The following ZNF566 variants were observed in gnomAD, a reference collection of about 807,000 sequenced individuals.
The protein encoded by ZNF566 is zinc finger protein 566.
In ZNF566, 27 loss-of-function variants were observed where a neutral mutation model predicts 32.8. The ratio of observed to expected loss-of-function variants is 0.82; its 90% confidence interval spans 0.61 to 1.14. ZNF566 has a LOEUF of 1.14. ZNF566 is among the 50% of genes most tolerant of loss of function. ZNF566 has a pLI of 0.00. For missense variants in ZNF566, 402 were observed against 490.4 expected (o/e 0.82, Z 1.70); for synonymous variants, 154 against 159.5 (o/e 0.97, Z 0.26).
At chr19:36,479,316 G>C (rs1448837074) in intron 1 of ZNF566, among the ~76,000 whole-genome samples, 1 of 152,146 alleles carries the variant, frequency 6.6e-6, no homozygotes, top group Non-Finnish European at 1.5e-5. Context: ...ATTATTCACA[G>C]ATGATAAGTT....
Position 36,449,041 on chromosome 19 carries a change from C to G in ZNF566, c.1193G>C (p.Arg398Thr), listed in dbSNP as rs765333070. Reference sequence around the variant, plus strand: ...ATAATTAAAGTTCTTTCCACATTCCCTATATTCATAGGGTTTCTCACTAGT... The same window carrying G: ...ATAATTAAAGTTCTTTCCACATTCCGTATATTCATAGGGTTTCTCACTAGT... The part of the protein sequence containing the change: ...IHTSEKPYEY[R>T]ECGKNFNYDP... The change falls in exon 5 of 5, where the codon AGG (arginine) becomes ACG (threonine). Residue 398 changes from arginine to threonine, a missense_variant. Physicochemically the swap from Arg to Thr is moderately conservative, Grantham distance 71 (BLOSUM62 -1). This residue lies in a region of ZNF566 where 47 missense variants were observed against 38.5 expected (regional missense o/e 1.22). Coordinates refer to ENST00000452939, the MANE Select transcript of ZNF566 (RefSeq NM_001145344.1). 6.2e-7 allele frequency: 1 copy of G among 1,610,698 alleles called. No individual in the cohort carries two copies. The highest frequency in any genetic ancestry group is 1.3e-5 in the African/African-American group (1 of 74,736).
chr19:36,480,203 A>G (rs957490994), intron 1 of ZNF566, among the ~76,000 whole-genome samples: 2 of 152,172 alleles, frequency 1.3e-5, no homozygotes, highest in African/African-American at 4.8e-5. Flanking sequence ...ACCAAATAGA[A>G]TATAGAGTCC....
chr19:36,467,450 AAAAG>A (rs1175785407), intron 4 of ZNF566, among the ~76,000 whole-genome samples: 6 of 150,222 alleles, frequency 4.0e-5, no homozygotes, highest in Non-Finnish European at 3.0e-5. Context: ...AAAAAAAAAA[AAAAG>A]AATTTCAAAA....
chr19:36,461,799 T>C (rs1242766154), intron 4 of ZNF566, among the ~76,000 whole-genome samples: 1 of 152,228 alleles, frequency 6.6e-6, no homozygotes, highest in Non-Finnish European at 1.5e-5. Flanking sequence ...GTGTGGACTG[T>C]GATTCCAGTG....
At chr19:36,479,659 G>A (rs1181871932) in intron 1 of ZNF566, among the ~76,000 whole-genome samples, 1 of 152,108 alleles carries the variant, frequency 6.6e-6, no homozygotes, top group Admixed American at 6.5e-5. Flanking sequence ...TTTTGAATCA[G>A]GGTCTTGCTT....
rs1326017837 is a variant in ZNF566, at chr19:36,446,391, C to G, written c.*2586G>C. The G allele has an allele frequency of 6.6e-6, 1 of 152,086 alleles. No individual in the cohort carries two copies. The highest frequency in any genetic ancestry group is 6.6e-5 in the Admixed American group (1 of 15,230). 9.4% of individuals were successfully genotyped at this position (152,086 alleles called of 1,614,324 possible). A position where few individuals can be genotyped will look rare whatever the true frequency, so the allele number is the denominator to read the frequency against. On this transcript the variant is annotated 3_prime_UTR_variant, in exon 5 of 5. Coordinates refer to ENST00000452939, the MANE Select transcript of ZNF566 (RefSeq NM_001145344.1). Reference sequence around the variant, plus strand: ...GGTTCAAGCGATTCTCCTGCCTCAGCCTTCCGAGCAGCTGGGACTACAGGC... The same window carrying G: ...GGTTCAAGCGATTCTCCTGCCTCAGGCTTCCGAGCAGCTGGGACTACAGGC...
In ZNF566 at chr19:36,453,472, CAAATAAATAAAT is replaced by C. The variant is rs918177874; in HGVS notation, c.233-3483_233-3472del. ...TGGGTGACAGTGTGAGACTCTATCT[CAAATAAATAAAT>C]AAATAAATAAATAAATAAATAAATT... On this transcript the variant is annotated intron_variant, in intron 4 of 4. Transcript: ENST00000452939. Among the ~76,000 whole-genome samples, 11 of 143,140 alleles carry C rather than the reference CAAATAAATAAAT, an allele frequency of 7.7e-5. No homozygotes were observed. In the East Asian group the frequency reaches 1.6e-3, roughly 21 times the overall value. The allele number at this position is 143,140 out of a possible 152,430, so 93.9% of individuals were successfully genotyped here.
At chr19:36,487,990 T>C (rs1014859973) in intron 1 of ZNF566, among the ~76,000 whole-genome samples, 4 of 147,836 alleles carry the variant, frequency 2.7e-5, no homozygotes, top group African/African-American at 1.0e-4. Context: ...TACTGAGAAG[T>C]GGTATGAGGG....
intron 1 of ZNF566, among the ~76,000 whole-genome samples, chr19:36,480,902 G>A (rs1419858431): frequency 1.3e-5 from 2 of 151,736 alleles, no homozygotes; most frequent in South Asian, 4.2e-4. Flanking sequence ...AATTAGCCGG[G>A]CATGGTGGCA....
chr19:36,472,083 A>G lies in ZNF566; in HGVS notation c.232+828T>C, dbSNP rs144444346. ...CATTACTGTAACCTCAGTGTTGAGA[A>G]TAGTGCTGGGCATACCATAGTCACT... On this transcript the variant is annotated intron_variant, in intron 4 of 4. Coordinates refer to ENST00000452939, the MANE Select transcript of ZNF566 (RefSeq NM_001145344.1). 3.3e-4 allele frequency among the ~76,000 whole-genome samples: 50 copies of G among 152,282 alleles called. No individual in the cohort carries two copies. In the East Asian group the frequency reaches 9.1e-3, roughly 28 times the overall value.
At chr19:36,461,359 T>C (rs1025160253) in intron 4 of ZNF566, among the ~76,000 whole-genome samples, 7 of 152,128 alleles carry the variant, frequency 4.6e-5, no homozygotes, top group African/African-American at 1.7e-4. Context: ...CTTCAGAAAT[T>C]ATACCAAGAT....
At chr19:36,480,288 C>CTTTTTCT (rs1555775007) in intron 1 of ZNF566, among the ~76,000 whole-genome samples, 3 of 136,848 alleles carry the variant, frequency 2.2e-5, no homozygotes, top group Non-Finnish European at 4.7e-5. Context: ...ATTTTTTTTT[C>CTTTTTCT]TTTTTTTTTT....
At chr19:36,450,022 A>C (rs756200702) in intron 4 of ZNF566, 21 bp from the exon 5 acceptor site, 14 of 1,557,542 alleles carry the variant, frequency 9.0e-6, no homozygotes, top group Non-Finnish European at 1.1e-5. Flanking sequence ...ATATGAAAGT[A>C]ATCACTCACA....
chr19:36,486,658 C>T (rs1368016081), intron 1 of ZNF566, among the ~76,000 whole-genome samples: 3 of 114,186 alleles, frequency 2.6e-5, no homozygotes, highest in African/African-American at 7.1e-5. Context: ...GCAGCAAGAG[C>T]GAAACTCTGT....
chr19:36,478,698 G>A (rs1364384004), intron 1 of ZNF566, among the ~76,000 whole-genome samples: 2 of 151,814 alleles, frequency 1.3e-5, no homozygotes, highest in Non-Finnish European at 2.9e-5. Context: ...AATACCTACT[G>A]TTGGGAGAGA....
chr19:36,475,889 AG>A lies in ZNF566; in HGVS notation c.9+659del, dbSNP rs559502764. On this transcript the variant is annotated intron_variant, in intron 2 of 4. Coordinates refer to ENST00000452939, the MANE Select transcript of ZNF566 (RefSeq NM_001145344.1). The stretch of plus-strand genomic sequence containing the variant: ...TTCTTAAATCTCTTTATGGAAAGAA[AG>A]AAATAAGTATTCTTGATGAAACTGA... 2.5e-3 allele frequency among the ~76,000 whole-genome samples: 386 copies of A among 152,316 alleles called. 1 individual carries two copies. Among genetic ancestry groups the A allele is most frequent in the African/African-American group, 8.5e-3 (353 of 41,570 alleles).
intron 4 of ZNF566, among the ~76,000 whole-genome samples, chr19:36,464,579 G>A (rs906021842): frequency 5.3e-5 from 8 of 152,228 alleles, no homozygotes; most frequent in African/African-American, 7.2e-5. Context: ...TTGGGAGTTC[G>A]AGATCAGCAT....
At position 36,482,505 on chromosome 19, in the gene ZNF566, G is replaced by GA. The variant is rs57258023; in HGVS notation, c.-59-5890dup. Among the ~76,000 whole-genome samples, 1,031 of 138,004 alleles carry GA rather than the reference G, an allele frequency of 7.5e-3. 6 individuals carry two copies. Among genetic ancestry groups the GA allele is most frequent in the African/African-American group, 0.019 (724 of 37,846 alleles). 90.5% of individuals were successfully genotyped at this position (138,004 alleles called of 152,430 possible). ...ATCCTTAAATGTAAGAAAAATGTAA[G>GA]AAAAAAAAAAAACATACTGAAAAGA... On this transcript the variant is annotated intron_variant, in intron 1 of 4. Transcript: ENST00000452939.
At chr19:36,476,356 TC>T (rs1174697416) in intron 2 of ZNF566, 192 bp downstream of exon 2, 2 of 436,938 alleles carry the variant, frequency 4.6e-6, no homozygotes, top group Admixed American at 4.2e-5. Flanking sequence ...TGTAATCAAT[TC>T]TTTTTTTTTC....
Sources: allele counts gnomAD v4.1 joint callset (sites outside exome capture counted in the v4.1 genomes callset), GRCh38; gene constraint gnomAD v4.1.1; regional missense constraint gnomAD v4.1.1; transcripts MANE v1.5; gene names NCBI Gene and HGNC (gene_info 2026-07-23, HGNC 2026-07-21).